The following STXBP5L variants were observed in gnomAD, a reference collection of about 807,000 sequenced individuals.
STXBP5L encodes the protein syntaxin-binding protein 5-like.
STXBP5L carries 65 observed loss-of-function variants against 144.5 expected under a neutral mutation model. The observed-to-expected ratio is 0.45, with a 90% confidence interval of 0.37 to 0.55. STXBP5L has a LOEUF of 0.55. Ranked by LOEUF, STXBP5L falls within the 20% of genes least tolerant of loss-of-function variation. The pLI is 0.00. For synonymous variants in STXBP5L, 505 were observed against 469.6 expected, an observed-to-expected ratio of 1.08 and a Z score of -0.97; for missense variants, 1,298 against 1,405.5, an observed-to-expected ratio of 0.92 and a Z score of 1.22.
intron 10 of STXBP5L, among the ~76,000 whole-genome samples, chr3:121,217,340 C>T (rs572839711): frequency 7.2e-5 from 11 of 152,276 alleles, no homozygotes; most frequent in African/African-American, 1.4e-4. Context: ...TCCTTGTCTG[C>T]GGGTTGCGAA....
intron 3 of STXBP5L, among the ~76,000 whole-genome samples, chr3:121,032,051 C>T (rs1195004109): frequency 6.6e-6 from 1 of 152,114 alleles, no homozygotes; most frequent in African/African-American, 2.4e-5. Flanking sequence ...TATTTAGATA[C>T]ATTTTCTGAA....
intron 23 of STXBP5L, among the ~76,000 whole-genome samples, chr3:121,412,748 A>C (rs1403683587): frequency 2.7e-5 from 4 of 147,512 alleles, no homozygotes; most frequent in Non-Finnish European, 4.5e-5. Flanking sequence ...AAAAAAAAAA[A>C]ACAAAAGAAA....
At chr3:121,090,370 T>G (rs1248809883) in intron 5 of STXBP5L, among the ~76,000 whole-genome samples, 4 of 152,060 alleles carry the variant, frequency 2.6e-5, no homozygotes, top group Non-Finnish European at 5.9e-5. Flanking sequence ...TGCCTCCTCT[T>G]TTACCCCTCT....
intron 20 of STXBP5L, among the ~76,000 whole-genome samples, chr3:121,335,957 G>T (rs1576205283): frequency 6.6e-6 from 1 of 152,114 alleles, no homozygotes; most frequent in African/African-American, 2.4e-5. Flanking sequence ...CACAGCAAAA[G>T]AAACAATTAA....
intron 6 of STXBP5L, among the ~76,000 whole-genome samples, chr3:121,115,650 A>G (rs755023202): frequency 2.6e-5 from 4 of 152,132 alleles, no homozygotes; most frequent in Non-Finnish European, 4.4e-5. Context: ...TTGCATTGCT[A>G]TAAAGGAATC....
At chr3:121,384,026 T>G (rs528144484) in intron 22 of STXBP5L, among the ~76,000 whole-genome samples, 2 of 152,266 alleles carry the variant, frequency 1.3e-5, no homozygotes, top group African/African-American at 4.8e-5. Flanking sequence ...AATAAACTTT[T>G]GTTAGTCGGC....
intron 3 of STXBP5L, among the ~76,000 whole-genome samples, chr3:121,015,213 C>A (rs1001310523): frequency 2.0e-5 from 3 of 152,026 alleles, no homozygotes; most frequent in African/African-American, 7.2e-5. Flanking sequence ...GAAGTTGACC[C>A]AGCTAGGGAT....
chr3:121,041,223 T>C (rs1947129838), intron 3 of STXBP5L, among the ~76,000 whole-genome samples: 1 of 152,036 alleles, frequency 6.6e-6, no homozygotes, highest in South Asian at 2.1e-4. Flanking sequence ...TTTTATTTAG[T>C]CAGATATATC....
intron 20 of STXBP5L, among the ~76,000 whole-genome samples, chr3:121,346,510 C>A (rs565114814): frequency 1.1e-4 from 16 of 152,158 alleles, no homozygotes; most frequent in African/African-American, 2.9e-4. Context: ...AGTACTAGAT[C>A]CCTGAGGAAT....
At chr3:121,057,683 C>A (rs928329316) in intron 5 of STXBP5L, among the ~76,000 whole-genome samples, 3 of 151,956 alleles carry the variant, frequency 2.0e-5, no homozygotes, top group Non-Finnish European at 2.9e-5. Flanking sequence ...ATGTACTATT[C>A]TATTTAATGG....
chr3:121,404,428 C>A (rs1279017207), intron 22 of STXBP5L, among the ~76,000 whole-genome samples: 1 of 152,130 alleles, frequency 6.6e-6, no homozygotes, highest in Non-Finnish European at 1.5e-5. Context: ...AGCCTTGGTT[C>A]CCTTTAGGAT....
chr3:121,038,112 T>A (rs559129488), intron 3 of STXBP5L, among the ~76,000 whole-genome samples: 10 of 152,116 alleles, frequency 6.6e-5, no homozygotes, highest in South Asian at 2.1e-4. Context: ...TCACTTTTTT[T>A]AAATTGTTGA....
At chr3:121,308,313 A>C (rs2108506656) in intron 19 of STXBP5L, among the ~76,000 whole-genome samples, 1 of 152,346 alleles carries the variant, frequency 6.6e-6, no homozygotes, top group Non-Finnish European at 1.5e-5. Flanking sequence ...TTTTTCAAAA[A>C]TGTAGGTGAA....
intron 7 of STXBP5L, among the ~76,000 whole-genome samples, chr3:121,143,227 A>G (rs978524942): frequency 5.3e-5 from 8 of 151,710 alleles, no homozygotes; most frequent in Admixed American, 1.3e-4. Context: ...TAACGAGGAA[A>G]AGCTCAGGAT....
chr3:120,978,303 C>CT (rs1231694033), intron 3 of STXBP5L, among the ~76,000 whole-genome samples: 1 of 152,140 alleles, frequency 6.6e-6, no homozygotes, highest in Non-Finnish European at 1.5e-5. Context: ...TTTCATCTTC[C>CT]TTTGCTGATA....
In STXBP5L at chr3:121,287,024, A is replaced by G. The variant is rs181702517; in HGVS notation, c.2110+7068A>G. On this transcript the variant is annotated intron_variant, in intron 19 of 26. Coordinates refer to ENST00000471454, the MANE Select transcript of STXBP5L (RefSeq NM_001308330.2). ...GCTCACAAAAGAATTTCAGAGATCT[A>G]CAGTGTTTCCTCCTAGAGCAAAGTG... 1.2e-4 allele frequency among the ~76,000 whole-genome samples: 18 copies of G among 152,316 alleles called. No homozygotes were observed. The East Asian group carries it at 1.9e-3, about 16-fold the overall frequency.
At chr3:120,951,372 C>T (rs1711213939) in intron 2 of STXBP5L, among the ~76,000 whole-genome samples, 1 of 151,958 alleles carries the variant, frequency 6.6e-6, no homozygotes, top group African/African-American at 2.4e-5. Context: ...AGGCAACCCA[C>T]AAAAATGGGA....
At chr3:121,266,659 T>A (rs2050577070) in intron 18 of STXBP5L, among the ~76,000 whole-genome samples, 1 of 152,130 alleles carries the variant, frequency 6.6e-6, no homozygotes, top group African/African-American at 2.4e-5. Flanking sequence ...ATAAAGGGTA[T>A]TCAAATAAAA....
chr3:121,326,443 G>A (rs2044151098), intron 20 of STXBP5L, among the ~76,000 whole-genome samples: 1 of 151,996 alleles, frequency 6.6e-6, no homozygotes, highest in African/African-American at 2.4e-5. Context: ...AATGAAATTT[G>A]TTACTGTATT....
Sources: allele counts gnomAD v4.1 joint callset (sites outside exome capture counted in the v4.1 genomes callset), GRCh38; gene constraint gnomAD v4.1.1; transcripts MANE v1.5; gene names NCBI Gene and HGNC (gene_info 2026-07-23, HGNC 2026-07-21).